SYNE1: variants seen among roughly 807,000 people sequenced by gnomAD.
SYNE1 encodes nesprin-1.
Under a neutral mutation model 1,111.0 loss-of-function variants are expected in SYNE1, and 616 were observed. That is an observed-to-expected ratio of 0.55 (90% CI 0.52 to 0.59). The LOEUF (loss-of-function observed/expected upper bound fraction) is 0.59. Ranked by LOEUF, SYNE1 falls within the 20% of genes least tolerant of loss-of-function variation. The pLI, the probability that SYNE1 is intolerant of heterozygous loss-of-function variation, is 0.00. For synonymous variants in SYNE1, 3,855 were observed against 3,825.8 expected (o/e 1.01, Z -0.28); for missense variants, 10,006 against 10,417.0 (o/e 0.96, Z 1.72).
At chr6:152,354,132 T>A (rs1405393609) in intron 67 of SYNE1, among the ~76,000 whole-genome samples, 1 of 152,094 alleles carries the variant, frequency 6.6e-6, no homozygotes, top group African/African-American at 2.4e-5. Flanking sequence ...AGAGCAAGAC[T>A]CTGTCTCCAA....
chr6:152,544,063 T>C (rs1358491080), intron 3 of SYNE1, among the ~76,000 whole-genome samples: 1 of 152,234 alleles, frequency 6.6e-6, no homozygotes, highest in Non-Finnish European at 1.5e-5. Flanking sequence ...ATTTAACAAG[T>C]AACAACTTTA....
At chr6:152,488,565 A>G in intron 11 of SYNE1, 62 bp from the exon 12 acceptor site, 1 of 910,500 alleles carries the variant, frequency 1.1e-6, no homozygotes, top group Non-Finnish European at 1.8e-6. Flanking sequence ...TTGCTGATTA[A>G]TACTTGACTG....
chr6:152,467,895 G>C (rs1250500272), intron 16 of SYNE1, among the ~76,000 whole-genome samples: 1 of 151,942 alleles, frequency 6.6e-6, no homozygotes, highest in Non-Finnish European at 1.5e-5. Context: ...TTTATCTATT[G>C]AATCACTTTG....
chr6:152,397,029 T>C (rs1317516674), intron 49 of SYNE1, 49 bp from the exon 50 acceptor site: 1 of 1,576,078 alleles, frequency 6.3e-7, no homozygotes, highest in Non-Finnish European at 8.7e-7. Flanking sequence ...TGCATTACAA[T>C]TGTGAGCTGA....
Position 152,326,544 on chromosome 6 carries a change from C to A in SYNE1, c.15045G>T (p.Leu5015Phe). Residue 5015 changes from leucine (L) to phenylalanine (F), a missense_variant, in exon 79 of 146, where the codon TTG (leucine) becomes TTT (phenylalanine). Transcript: ENST00000367255. ...ANDWLEDAQE[L>F]LQLAGNGLDV... Reference sequence around the variant, plus strand: ...CTAGGCCATTGCCTGCCAGCTGTAACAATTCTTGGGCATCCTCAAGCCAGT... The same window carrying A: ...CTAGGCCATTGCCTGCCAGCTGTAAAAATTCTTGGGCATCCTCAAGCCAGT... 1 of 1,614,188 alleles carries A rather than the reference C, an allele frequency of 6.2e-7. No homozygotes were observed. The highest frequency in any genetic ancestry group is 1.1e-5 in the South Asian group (1 of 91,088).
At chr6:152,419,883 T>C (rs2098226820) in intron 39 of SYNE1, among the ~76,000 whole-genome samples, 161 bp from the exon 40 acceptor site, 1 of 152,220 alleles carries the variant, frequency 6.6e-6, no homozygotes, top group South Asian at 2.1e-4. Flanking sequence ...CCTGCTTTAC[T>C]CACAATCTTC....
intron 58 of SYNE1, 104 bp downstream of exon 58, chr6:152,376,277 G>T: frequency 7.9e-7 from 1 of 1,273,596 alleles, no homozygotes; most frequent in Non-Finnish European, 1.1e-6. Flanking sequence ...AACAGGCCAG[G>T]GACCTGTACC....
Position 152,489,034 on chromosome 6 carries a change from C to T in SYNE1, c.940-531G>A, listed in dbSNP as rs537838287. Among the ~76,000 whole-genome samples the T allele has an allele frequency of 2.0e-5, 3 of 152,254 alleles. No homozygotes were observed. The East Asian group carries it at 5.8e-4, about 29-fold the overall frequency. On this transcript the variant is annotated intron_variant, in intron 11 of 145. Transcript: ENST00000367255. ...TCTTGTTCAACACAGTATTCCTAGA[C>T]CCTGGGAACATAATACCTATTAGAG...
chr6:152,329,785 A>G lies in SYNE1; in HGVS notation c.14900T>C (p.Leu4967Pro). 6.2e-7 allele frequency: 1 copy of G among 1,614,216 alleles called. No individual in the cohort carries two copies. The highest frequency in any genetic ancestry group is 1.1e-5 in the South Asian group (1 of 91,078). The change falls in exon 78 of 146, where the codon CTC (leucine) becomes CCC (proline). Residue 4967 changes from leucine (L) to proline (P), a missense_variant. By Grantham distance (98) the Leu-to-Pro change is moderately conservative (BLOSUM62 -3). This residue lies in a region of SYNE1 where 4,955 missense variants were observed against 5,017.2 expected (regional missense o/e 0.99). Coordinates refer to ENST00000367255, the MANE Select transcript of SYNE1 (RefSeq NM_182961.4). ...ELISADLEHS[L>P]AELSELDGDI... Reference sequence around the variant, plus strand: ...TCCATCCAGCTCTGAGAGCTCAGCGAGGCTGTGTTCTAAATCCGCAGAAAT... The same window carrying G: ...TCCATCCAGCTCTGAGAGCTCAGCGGGGCTGTGTTCTAAATCCGCAGAAAT...
rs573809771 is a variant in SYNE1 at position 152,122,041 on chromosome 6, T to A, written c.*395A>T. The A allele has an allele frequency of 6.7e-6, 2 of 296,382 alleles. No individual in the cohort carries two copies. The highest frequency in any genetic ancestry group is 4.3e-5 in the African/African-American group (2 of 46,472). 18.4% of individuals were successfully genotyped at this position (296,382 alleles called of 1,614,324 possible). ...GATTGTACGACACTGACATGGTGCT[T>A]GGGAGGGTCATTTATCTGATGGTTG... On this transcript the variant is annotated 3_prime_UTR_variant, in exon 146 of 146. Coordinates refer to ENST00000367255, the MANE Select transcript of SYNE1 (RefSeq NM_182961.4).
At chr6:152,359,711 T>C (rs1252717688) in intron 64 of SYNE1, among the ~76,000 whole-genome samples, 1 of 152,128 alleles carries the variant, frequency 6.6e-6, no homozygotes, top group Non-Finnish European at 1.5e-5. Flanking sequence ...AACTACTTTA[T>C]ATTTCTACTC....
chr6:152,282,151 G>C (rs943493067), intron 96 of SYNE1, 171 bp from the exon 97 acceptor site: 1 of 669,102 alleles, frequency 1.5e-6, no homozygotes, highest in African/African-American at 1.8e-5. Flanking sequence ...GAATTTCTAG[G>C]GGTGAGTCTC....
intron 3 of SYNE1, among the ~76,000 whole-genome samples, chr6:152,605,406 T>G (rs1388803674): frequency 6.6e-6 from 1 of 152,166 alleles, no homozygotes; most frequent in Admixed American, 6.5e-5. Context: ...ACTTGGTACT[T>G]CAAAATACTG....
At chr6:152,287,729 T>C (rs543512673) in intron 95 of SYNE1, among the ~76,000 whole-genome samples, 2 of 152,218 alleles carry the variant, frequency 1.3e-5, no homozygotes, top group East Asian at 3.9e-4. Flanking sequence ...GTATTTTTAG[T>C]AGAGATGTGG....
intron 3 of SYNE1, among the ~76,000 whole-genome samples, chr6:152,584,727 T>C (rs1162372423): frequency 4.6e-5 from 7 of 152,184 alleles, no homozygotes; most frequent in Admixed American, 2.0e-4. Context: ...TCTTATTTAA[T>C]ATAGCAAGTT....
Position 152,189,233 on chromosome 6 carries a change from T to C in SYNE1, c.23301+19A>G. 1.2e-6 allele frequency: 2 copies of C among 1,612,808 alleles called. No homozygotes were observed. Among genetic ancestry groups the C allele is most frequent in the Non-Finnish European group, 1.7e-6 (2 of 1,179,692 alleles). On this transcript the variant is annotated intron_variant, in intron 128 of 145. Transcript: ENST00000367255. ...ATTTTCCATCATCAAGATAATTCCA[T>C]TTTTAGAACTTATCTTACCTGGTGG...
chr6:152,566,518 G>A (rs150946297), intron 3 of SYNE1, among the ~76,000 whole-genome samples: 1 of 152,060 alleles, frequency 6.6e-6, no homozygotes, highest in Admixed American at 6.6e-5. Context: ...GAGGCAATTT[G>A]AGTCCAATCC....
intron 115 of SYNE1, among the ~76,000 whole-genome samples, chr6:152,229,590 C>T (rs910157894): frequency 6.6e-5 from 10 of 151,962 alleles, no homozygotes; most frequent in South Asian, 2.1e-4. Context: ...AGGAGGTGAA[C>T]GGGAATCCAA....
intron 14 of SYNE1, chr6:152,481,505 T>A (rs2098898478): frequency 2.2e-6 from 1 of 447,020 alleles, no homozygotes; most frequent in Admixed American, 2.4e-5. Context: ...CACCATTATG[T>A]AATATACTCA....
Sources: allele counts gnomAD v4.1 joint callset (sites outside exome capture counted in the v4.1 genomes callset), GRCh38; gene constraint gnomAD v4.1.1; regional missense constraint gnomAD v4.1.1; transcripts MANE v1.5; gene names NCBI Gene and HGNC (gene_info 2026-07-23, HGNC 2026-07-21).